The following JAML variants were observed in gnomAD, a reference collection of about 807,000 sequenced individuals.
JAML encodes junctional adhesion molecule-like.
A neutral mutation model predicts 39.3 loss-of-function variants in JAML; 25 were observed. The observed-to-expected ratio is 0.64, with a 90% CI of 0.46 to 0.89. The LOEUF is 0.89. JAML is among the 40% of genes least tolerant of loss of function. The probability of loss-of-function intolerance (pLI) is 0.00; values close to 1 mark genes in which losing one functional copy is unlikely to be tolerated. For synonymous variants in JAML, 162 were observed against 179.2 expected (o/e 0.90, Z 0.77); for missense variants, 440 against 486.9 (o/e 0.90, Z 0.91).
chr11:118,198,249 A>C (rs1451284667), intron 7 of JAML, among the ~76,000 whole-genome samples, 158 bp from the exon 8 acceptor site: 1 of 152,210 alleles, frequency 6.6e-6, no homozygotes, highest in Non-Finnish European at 1.5e-5. Context: ...CTCACCTGGA[A>C]ACCTGAGAAG....
rs150488404 is a variant in JAML, at chr11:118,210,596, A to G, written c.315T>C (p.Asp105=). Residue 105 remains aspartate (D), a synonymous_variant, in exon 4 of 10, where the codon GAT becomes GAC. Transcript: ENST00000356289. ...AGGTTCCCTGGTCAGCCTCTTGCAC[A>G]TCTTGGAGCAGGAGAGAGCCATCAT... ...LCNDGSLLLQ[D]VQEADQGTYI... is the part of the protein sequence containing the mutation. 6.2e-7 allele frequency: 1 copy of G among 1,614,220 alleles called. No homozygotes were observed. Among genetic ancestry groups the G allele is most frequent in the East Asian group, 2.2e-5 (1 of 44,884 alleles).
Position 118,198,001 on chromosome 11 carries a change from C to T in JAML, c.1002G>A (p.Gly334=). 1 of 1,613,874 alleles carries T rather than the reference C, an allele frequency of 6.2e-7. No homozygotes were observed. Among genetic ancestry groups the T allele is most frequent in the African/African-American group, 1.3e-5 (1 of 75,060 alleles). The change falls in exon 8 of 10, where the codon GGG becomes GGA. Residue 334 remains glycine (G), a synonymous_variant. Transcript: ENST00000356289. ...EKPCHFERCE[G]EKHIYSPIIV... The stretch of plus-strand genomic sequence containing the variant: ...TTAGGCTGAAGCGTGTGTTCACCTC[C>T]CCTTCACATCTTTCAAAATGGCAGG...
chr11:118,218,931 T>A (rs1168318029), intron 1 of JAML, among the ~76,000 whole-genome samples: 1 of 152,232 alleles, frequency 6.6e-6, no homozygotes, highest in Non-Finnish European at 1.5e-5. Flanking sequence ...CCTCAGCAGA[T>A]GTTTGGAGAT....
intron 5 of JAML, chr11:118,204,846 G>A (rs149179268): frequency 9.9e-5 from 15 of 152,140 alleles, no homozygotes; most frequent in Non-Finnish European, 1.5e-4. Flanking sequence ...CTTGTTAAAT[G>A]AATATTGGCA....
Position 118,205,922 on chromosome 11 carries a change from A to T in JAML, c.494T>A (p.Val165Glu), listed in dbSNP as rs1300362124. ...TGAAAATATCCATTCTACCTTGGTC[A>T]CGTGTTTCACTTCTGTGCTCTGGAA... ...CVFQSTEVKH[V>E]TKVEWIFSGR... Residue 165 changes from valine to glutamate, a missense_variant, in exon 5 of 10, where the codon GTG (valine) becomes GAG (glutamate). Physicochemically the swap from Val to Glu is moderately radical, Grantham distance 121. Transcript: ENST00000356289. 1.9e-6 allele frequency: 3 copies of T among 1,614,142 alleles called. No individual in the cohort carries two copies. The highest frequency in any genetic ancestry group is 2.5e-6 in the Non-Finnish European group (3 of 1,180,004).
rs553861053 is a variant in JAML at position 118,214,830 on chromosome 11, A to G, written c.37T>C (p.Leu13=). ...CPLKLILLPV[L]LDYSLGLNDL... ...TCCCTTAGCTTCTACTTACCCAGTA[A>G]CACTGGCAGCAGGATGAGTTTCAGT... Residue 13 remains leucine, a synonymous_variant, in exon 2 of 10, where the codon TTA becomes CTA. Transcript: ENST00000356289. 831 of 1,614,134 alleles carry G rather than the reference A, an allele frequency of 5.1e-4. 6 individuals carry two copies. The South Asian group carries it at 8.1e-3, about 16-fold the overall frequency.
intron 5 of JAML, chr11:118,204,568 G>A: frequency 6.6e-6 from 1 of 152,006 alleles, no homozygotes; most frequent in Non-Finnish European, 1.5e-5. Context: ...ACTTGCTACT[G>A]TCTATGACTG....
intron 1 of JAML, among the ~76,000 whole-genome samples, chr11:118,223,577 T>G (rs1457227310): frequency 6.6e-6 from 1 of 152,114 alleles, no homozygotes; most frequent in Non-Finnish European, 1.5e-5. Context: ...AGGAAATAGA[T>G]TCGGTTGGCA....
In JAML at chr11:118,203,600, G is replaced by A; in HGVS notation, c.600C>T (p.Gly200=). ...RMSVEYSQSW[G]HFQNRVNLVG... ...CCAGGTTCACACGATTCTGGAAGTG[G>A]CCCCAGCTCTGGGAGTACTCCACAG... is the stretch of plus-strand genomic sequence containing the variant. The change falls in exon 6 of 10, where the codon GGC becomes GGT. Residue 200 remains glycine, a synonymous_variant. Transcript: ENST00000356289. The A allele has an allele frequency of 6.2e-7, 1 of 1,614,150 alleles. No homozygotes were observed. Among genetic ancestry groups the A allele is most frequent in the Non-Finnish European group, 8.5e-7 (1 of 1,180,020 alleles).
At chr11:118,210,901 T>C (rs1949044871) in intron 3 of JAML, among the ~76,000 whole-genome samples, 189 bp from the exon 4 acceptor site, 1 of 152,244 alleles carries the variant, frequency 6.6e-6, no homozygotes, top group South Asian at 2.1e-4. Context: ...TGCAACTCCC[T>C]TTCTACAAAG....
At position 118,203,437 on chromosome 11, in the gene JAML, C is replaced by G; in HGVS notation, c.763G>C (p.Glu255Gln). Residue 255 changes from glutamate (E) to glutamine (Q), a missense_variant, in exon 6 of 10, where the codon GAG becomes CAG. Transcript: ENST00000356289. ...KTIVLHVSPEEPRTLVTPAAL... is the reference protein window; with the variant it reads ...KTIVLHVSPEQPRTLVTPAAL... ...GCCAAATGTTAGATACTTCGAGGCT[C>G]TTCCGGGCTGACATGCAGCACAATG... The G allele has an allele frequency of 6.2e-7, 1 of 1,614,134 alleles. No individual in the cohort carries two copies. Among genetic ancestry groups the G allele is most frequent in the Non-Finnish European group, 8.5e-7 (1 of 1,179,990 alleles).
chr11:118,195,391 G>A (rs1205144241), intron 9 of JAML, among the ~76,000 whole-genome samples: 7 of 152,086 alleles, frequency 4.6e-5, no homozygotes, highest in Middle Eastern at 6.8e-3. Context: ...GGGCTGGTAC[G>A]ATAGGAACAA....
chr11:118,199,137 G>A (rs1224427918), intron 7 of JAML, among the ~76,000 whole-genome samples: 3 of 152,100 alleles, frequency 2.0e-5, no homozygotes, highest in Admixed American at 1.3e-4. Flanking sequence ...GACAGACACT[G>A]GCAATTATCC....
chr11:118,199,765 C>T (rs376087999), intron 7 of JAML, among the ~76,000 whole-genome samples: 2 of 147,194 alleles, frequency 1.4e-5, no homozygotes, highest in East Asian at 2.0e-4. Context: ...GGCGTGATCT[C>T]GGCTCACTGC....
chr11:118,197,888 G>T, intron 8 of JAML, 110 bp downstream of exon 8: 1 of 981,026 alleles, frequency 1.0e-6, no homozygotes, highest in Non-Finnish European at 1.6e-6. Context: ...TCTGTGCCAA[G>T]CACTGGCCTG....
chr11:118,205,662 G>A (rs950547988), intron 5 of JAML: 12 of 533,446 alleles, frequency 2.2e-5, no homozygotes, highest in African/African-American at 7.6e-5. Context: ...ATCTCATATC[G>A]GCATCCAAAA....
chr11:118,196,836 T>C lies in JAML; in HGVS notation c.1006-15A>G. On this transcript the variant is annotated splice_polypyrimidine_tract_variant and intron_variant, in intron 8 of 9. Transcript: ENST00000356289. ...TAAATGTGTTTCTAGAGGGGGAAAATGGTACAAAAATTCCTAAAAATTAGA... is the reference window on the plus strand; with the variant it reads ...TAAATGTGTTTCTAGAGGGGGAAAACGGTACAAAAATTCCTAAAAATTAGA... 1.3e-6 allele frequency: 2 copies of C among 1,588,896 alleles called. No individual in the cohort carries two copies. Among genetic ancestry groups the C allele is most frequent in the Non-Finnish European group, 1.7e-6 (2 of 1,157,118 alleles).
chr11:118,210,935 A>T (rs1033045352), intron 3 of JAML, among the ~76,000 whole-genome samples: 2 of 152,218 alleles, frequency 1.3e-5, no homozygotes, highest in African/African-American at 2.4e-5. Context: ...TGCAGTCCAC[A>T]TTTTATTTCT....
At chr11:118,219,085 G>C (rs1267813513) in intron 1 of JAML, among the ~76,000 whole-genome samples, 1 of 123,866 alleles carries the variant, frequency 8.1e-6, no homozygotes, top group Non-Finnish European at 1.5e-5. Context: ...ATTACTAATA[G>C]TGTATGGGGG....
Sources: allele counts gnomAD v4.1 joint callset (sites outside exome capture counted in the v4.1 genomes callset), GRCh38; gene constraint gnomAD v4.1.1; transcripts MANE v1.5; gene names NCBI Gene and HGNC (gene_info 2026-07-23, HGNC 2026-07-21).